The following ELP3 variants were observed in gnomAD, a reference collection of about 807,000 sequenced individuals.
ELP3 encodes elongator complex protein 3.
ELP3 carries 56 observed loss-of-function variants against 74.9 expected under a neutral mutation model. The ratio of observed to expected loss-of-function variants is 0.75; its 90% confidence interval spans 0.60 to 0.93. The LOEUF is 0.93. Among genes scored for constraint, ELP3 ranks in the 40% least tolerant of loss-of-function variants. The probability of loss-of-function intolerance (pLI) is 0.00; values close to 1 mark genes in which losing one functional copy is unlikely to be tolerated. For synonymous variants in ELP3, 222 were observed against 239.8 expected (o/e 0.93, Z 0.68); for missense variants, 573 against 686.5 (o/e 0.83, Z 1.85).
At chr8:28,129,273 ATTATCC>A in intron 7 of ELP3, 6 of 512,568 alleles carry the variant, frequency 1.2e-5, no homozygotes, top group South Asian at 4.9e-5. Flanking sequence ...TAGATAGTGT[ATTATCC>A]TCATTTTGCA....
chr8:28,127,839 G>A (rs775114797), intron 7 of ELP3, among the ~76,000 whole-genome samples: 1 of 152,000 alleles, frequency 6.6e-6, no homozygotes, highest in Non-Finnish European at 1.5e-5. Flanking sequence ...CTAAAACCTC[G>A]CGGAATACAG....
rs1210096915 is a variant in ELP3 at position 28,137,834 on chromosome 8, T to A, written c.1043T>A (p.Leu348Ter). 1 of 1,613,944 alleles carries A rather than the reference T, an allele frequency of 6.2e-7. No individual in the cohort carries two copies. The highest frequency in any genetic ancestry group is 1.7e-5 in the Admixed American group (1 of 59,980). The change falls in exon 10 of 15, where the codon TTG becomes TAG. Residue 348 changes from leucine to a stop codon, truncating the protein, a stop_gained. Coordinates refer to ENST00000256398, the MANE Select transcript of ELP3 (RefSeq NM_018091.6). LOFTEE classifies it high-confidence loss of function. ...KSYSPSDLVE[L>*]VARILALVPP... Reference sequence around the variant, plus strand: ...TACTCTCCTAGTGACCTGGTTGAATTGGTGGCTCGGATCCTAGCCCTCGTG... The same window carrying A: ...TACTCTCCTAGTGACCTGGTTGAATAGGTGGCTCGGATCCTAGCCCTCGTG...
At chr8:28,157,043 A>G (rs1435021432) in intron 11 of ELP3, among the ~76,000 whole-genome samples, 2 of 152,144 alleles carry the variant, frequency 1.3e-5, no homozygotes, top group Non-Finnish European at 2.9e-5. Flanking sequence ...CTCGCCTCCA[A>G]GAAGGCCACT....
rs1039000426 is a variant in ELP3 at position 28,147,921 on chromosome 8, A to G, written c.1101-8021A>G. ...AGGACCCAGAAACCAGCCTGAATGC[A>G]TACCCACTGGCAAAAATCTAATGTC... On this transcript the variant is annotated intron_variant, in intron 10 of 14. Transcript: ENST00000256398. The surrounding 1 kb of genome is among the most constrained non-coding windows in gnomAD (Gnocchi z 4.5). 7.2e-5 allele frequency among the ~76,000 whole-genome samples: 11 copies of G among 152,220 alleles called. No individual in the cohort carries two copies. The highest frequency in any genetic ancestry group is 1.3e-4 in the Non-Finnish European group (9 of 68,040).
chr8:28,115,350 A>AT (rs748193542), intron 7 of ELP3, among the ~76,000 whole-genome samples: 35 of 152,170 alleles, frequency 2.3e-4, no homozygotes, highest in Non-Finnish European at 4.9e-4. Flanking sequence ...GTGAAAAGCA[A>AT]TTTTTAGAGC....
intron 1 of ELP3, among the ~76,000 whole-genome samples, chr8:28,095,762 A>G (rs530286442): frequency 6.6e-6 from 1 of 152,332 alleles, no homozygotes; most frequent in South Asian, 2.1e-4. Flanking sequence ...AAATGGGATA[A>G]CAGTACCTAC....
chr8:28,117,446 T>G (rs1812184280), intron 7 of ELP3, among the ~76,000 whole-genome samples: 1 of 152,180 alleles, frequency 6.6e-6, no homozygotes, highest in South Asian at 2.1e-4. Context: ...AAAAGCCCTG[T>G]GGAAGAGAAA....
At position 28,147,284 on chromosome 8, in the gene ELP3, A is replaced by T. The variant is rs575906518; in HGVS notation, c.1101-8658A>T. On this transcript the variant is annotated intron_variant, in intron 10 of 14. Coordinates refer to ENST00000256398, the MANE Select transcript of ELP3 (RefSeq NM_018091.6). This position sits in a 1 kb window ranked among gnomAD's most constrained non-coding sequence, Gnocchi z 4.5. ...CCTTACCTTCCCATCCCCTCTTCCC[A>T]CTGCCTGTGGAGACAGTGCACCTGA... Among the ~76,000 whole-genome samples, 1 of 152,226 alleles carries T rather than the reference A, an allele frequency of 6.6e-6. No homozygotes were observed. The highest frequency in any genetic ancestry group is 1.5e-5 in the Non-Finnish European group (1 of 68,012).
At chr8:28,136,016 C>T (rs927524645) in intron 9 of ELP3, among the ~76,000 whole-genome samples, 9 of 149,534 alleles carry the variant, frequency 6.0e-5, no homozygotes, top group African/African-American at 2.2e-4. Flanking sequence ...GGCTGGAGTG[C>T]AGTGGCACGA....
chr8:28,137,713 C>G lies in ELP3; in HGVS notation c.922C>G (p.Pro308Ala). 6 of 1,611,816 alleles carry G rather than the reference C, an allele frequency of 3.7e-6. No individual in the cohort carries two copies. The highest frequency in any genetic ancestry group is 3.3e-5 in the South Asian group (3 of 90,612). Reference protein sequence around the residue: ...IEQFTEFFENPAFRPDGLKLY... With the variant: ...IEQFTEFFENAAFRPDGLKLY... ...CTATTCACAGGAGTTTTTTGAGAAC[C>G]CTGCTTTTCGTCCCGATGGGCTGAA... The change falls in exon 10 of 15, where the codon CCT (proline) becomes GCT (alanine). Residue 308 changes from proline to alanine, a missense_variant. Coordinates refer to ENST00000256398, the MANE Select transcript of ELP3 (RefSeq NM_018091.6).
chr8:28,138,563 A>T (rs1813090027), intron 10 of ELP3, among the ~76,000 whole-genome samples: 1 of 152,084 alleles, frequency 6.6e-6, no homozygotes, highest in Non-Finnish European at 1.5e-5. Context: ...CATTCCCACC[A>T]CCCTGCCAAA....
At position 28,144,274 on chromosome 8, in the gene ELP3, A is replaced by T. The variant is rs532719421; in HGVS notation, c.1100+6383A>T. On this transcript the variant is annotated intron_variant, in intron 10 of 14. Coordinates refer to ENST00000256398, the MANE Select transcript of ELP3 (RefSeq NM_018091.6). ...ACACTTAGCACATAATAACAATCTG[A>T]TAGCTGTTTTCTAGTAAAACAGCTT... Among the ~76,000 whole-genome samples, 3 of 152,206 alleles carry T rather than the reference A, an allele frequency of 2.0e-5. No individual in the cohort carries two copies. The South Asian group carries it at 6.2e-4, about 31-fold the overall frequency.
At chr8:28,116,148 G>A (rs1311442185) in intron 7 of ELP3, among the ~76,000 whole-genome samples, 3 of 152,052 alleles carry the variant, frequency 2.0e-5, no homozygotes, top group Non-Finnish European at 4.4e-5. Context: ...TTGTGCCCTC[G>A]CTACTCCCCC....
chr8:28,091,989 G>A (rs897531123), upstream of ELP3, among the ~76,000 whole-genome samples: 1 of 152,196 alleles, frequency 6.6e-6, no homozygotes, highest in Non-Finnish European at 1.5e-5. Flanking sequence ...TTTTCTTGGG[G>A]TGGACTGAAG....
intron 7 of ELP3, among the ~76,000 whole-genome samples, chr8:28,128,788 C>T (rs1812682327): frequency 6.6e-6 from 1 of 152,174 alleles, no homozygotes; most frequent in African/African-American, 2.4e-5. Flanking sequence ...GAGCTCCTGT[C>T]GCCTCACTTC....
At chr8:28,150,267 A>C (rs1813590917) in intron 10 of ELP3, among the ~76,000 whole-genome samples, 1 of 152,206 alleles carries the variant, frequency 6.6e-6, no homozygotes, top group Non-Finnish European at 1.5e-5. Flanking sequence ...AAATAAGAAA[A>C]AGGAAAGGTT....
chr8:28,155,861 A>G, intron 10 of ELP3, 81 bp from the exon 11 acceptor site: 1 of 1,183,316 alleles, frequency 8.5e-7, no homozygotes, highest in Non-Finnish European at 1.2e-6. Flanking sequence ...TGTTCTTTTT[A>G]ACTTTTTTAA....
intron 10 of ELP3, among the ~76,000 whole-genome samples, chr8:28,138,523 C>T (rs1813087911): frequency 6.6e-6 from 1 of 152,130 alleles, no homozygotes; most frequent in Non-Finnish European, 1.5e-5. Flanking sequence ...CGTATACCTA[C>T]AATCCTAACA....
At chr8:28,122,517 A>C (rs375201605) in intron 7 of ELP3, among the ~76,000 whole-genome samples, 5 of 152,306 alleles carry the variant, frequency 3.3e-5, no homozygotes, top group South Asian at 4.1e-4. Flanking sequence ...ATCTGTGTCC[A>C]TTTTAAAAAG....
Sources: gnomAD v4.1 joint callset for allele counts (sites outside exome capture counted in the v4.1 genomes callset) on GRCh38, gnomAD v4.1.1 for gene constraint, Gnocchi (gnomAD v3.1) non-coding constraint, MANE v1.5 for transcripts, NCBI Gene and HGNC (gene_info 2026-07-23, HGNC 2026-07-21) for gene names.